RPH3A: variants seen among roughly 807,000 people sequenced by gnomAD.
The protein encoded by RPH3A is rabphilin-3A.
In RPH3A, 48 loss-of-function variants were observed where a neutral mutation model predicts 102.2. That is an observed-to-expected ratio of 0.47 (90% CI 0.37 to 0.60). The LOEUF (loss-of-function observed/expected upper bound fraction) is 0.60, where lower values mean the gene tolerates loss of function less well. Among genes scored for constraint, RPH3A ranks in the 20% least tolerant of loss-of-function variants. RPH3A has a pLI of 0.00. For missense variants in RPH3A, 781 were observed against 910.1 expected (o/e 0.86, Z 1.83); for synonymous variants, 310 against 324.3 (o/e 0.96, Z 0.47).
intron 1 of RPH3A, among the ~76,000 whole-genome samples, chr12:112,618,936 TA>T (rs1452194610): frequency 1.2e-4 from 19 of 152,240 alleles, no homozygotes; most frequent in South Asian, 4.1e-4. Flanking sequence ...ACATTTCATA[TA>T]AATGGAATAA....
intron 1 of RPH3A, among the ~76,000 whole-genome samples, chr12:112,731,144 T>C (rs2040631049): frequency 6.6e-6 from 1 of 151,978 alleles, no homozygotes; most frequent in African/African-American, 2.4e-5. Context: ...TTTTACAGTA[T>C]GACAGGTGGG....
chr12:112,657,810 G>A (rs529010201), intron 1 of RPH3A, among the ~76,000 whole-genome samples: 23 of 152,216 alleles, frequency 1.5e-4, no homozygotes, highest in Non-Finnish European at 3.2e-4. Flanking sequence ...GGAGTGCTGA[G>A]ATGATGGGTG....
At chr12:112,644,187 A>G (rs1162093484) in intron 1 of RPH3A, among the ~76,000 whole-genome samples, 1 of 151,996 alleles carries the variant, frequency 6.6e-6, no homozygotes, top group East Asian at 1.9e-4. Flanking sequence ...GAGATTACCT[A>G]ATGGTACAAT....
intron 14 of RPH3A, 121 bp downstream of exon 14, chr12:112,879,319 G>A (rs575761846): frequency 1.8e-5 from 15 of 856,490 alleles, no homozygotes; most frequent in African/African-American, 1.7e-4. Flanking sequence ...TGATAGTGAC[G>A]GTGATGAGAA....
chr12:112,837,988 C>A (rs2042082145), intron 4 of RPH3A, among the ~76,000 whole-genome samples: 1 of 151,634 alleles, frequency 6.6e-6, no homozygotes, highest in Non-Finnish European at 1.5e-5. Flanking sequence ...GCACCAGGGA[C>A]ACAGTTAGCC....
chr12:112,693,762 A>G (rs1755756307), intron 1 of RPH3A, among the ~76,000 whole-genome samples: 1 of 152,008 alleles, frequency 6.6e-6, no homozygotes, highest in African/African-American at 2.4e-5. Context: ...CCATCCCATT[A>G]TCTAGGTTTA....
chr12:112,676,630 C>T (rs2040176807), intron 1 of RPH3A, among the ~76,000 whole-genome samples: 1 of 152,100 alleles, frequency 6.6e-6, no homozygotes, highest in African/African-American at 2.4e-5. Context: ...CTGGAGGAAA[C>T]CTGAAGAGGT....
intron 2 of RPH3A, among the ~76,000 whole-genome samples, chr12:112,823,417 G>A (rs997844038): frequency 6.6e-6 from 1 of 152,236 alleles, no homozygotes; most frequent in South Asian, 2.1e-4. Context: ...GGATTGTAAG[G>A]AGTAAAGCAA....
At chr12:112,642,470 TA>T (rs2039897614) in intron 1 of RPH3A, among the ~76,000 whole-genome samples, 2 of 152,206 alleles carry the variant, frequency 1.3e-5, no homozygotes, top group East Asian at 3.8e-4. Flanking sequence ...ACACTTACAC[TA>T]AAAAATTATT....
chr12:112,672,025 A>AAT (rs1008358942), intron 1 of RPH3A, among the ~76,000 whole-genome samples: 10 of 150,196 alleles, frequency 6.7e-5, no homozygotes, highest in Non-Finnish European at 1.0e-4. Flanking sequence ...TAGTGACTTA[A>AAT]ATATATATAT....
rs545250184 is a variant in RPH3A, at chr12:112,694,022, C to T, written c.-139-98121C>T. Reference sequence around the variant, plus strand: ...ATCTAATTCGCTCTGCACACTCTTACAGGAAAACTCCTCTTGAAGCTGAAA... The same window carrying T: ...ATCTAATTCGCTCTGCACACTCTTATAGGAAAACTCCTCTTGAAGCTGAAA... On this transcript the variant is annotated intron_variant, in intron 1 of 21. Transcript: ENST00000543106. 9.2e-5 allele frequency among the ~76,000 whole-genome samples: 14 copies of T among 152,320 alleles called. No individual in the cohort carries two copies. The South Asian group carries it at 2.9e-3, about 32-fold the overall frequency.
At chr12:112,646,711 C>T (rs963277537) in intron 1 of RPH3A, among the ~76,000 whole-genome samples, 2 of 152,160 alleles carry the variant, frequency 1.3e-5, no homozygotes, top group Non-Finnish European at 2.9e-5. Context: ...TCCATTTTTC[C>T]ATCCCTAATG....
At chr12:112,631,231 A>G (rs936853257) in intron 1 of RPH3A, among the ~76,000 whole-genome samples, 1 of 152,114 alleles carries the variant, frequency 6.6e-6, no homozygotes, top group African/African-American at 2.4e-5. Flanking sequence ...GAATCTTGTC[A>G]CACAAAAGCA....
At chr12:112,808,408 G>T (rs954022704) in intron 2 of RPH3A, among the ~76,000 whole-genome samples, 1 of 152,252 alleles carries the variant, frequency 6.6e-6, no homozygotes, top group South Asian at 2.1e-4. Flanking sequence ...TGCATTGCAG[G>T]CAAGGGTTTG....
Position 112,890,951 on chromosome 12 carries a change from G to A in RPH3A, c.1723G>A (p.Val575Met), listed in dbSNP as rs376534485. 17 of 1,614,040 alleles carry A rather than the reference G, an allele frequency of 1.1e-5. No homozygotes were observed. Among genetic ancestry groups the A allele is most frequent in the Admixed American group, 1.7e-5 (1 of 59,996 alleles). The stretch of plus-strand genomic sequence containing the variant: ...CCTCATTGTGGGCATCATACGCTGC[G>A]TGCACCTGGCTGCCATGGACGCTAA... Reference protein sequence around the residue: ...GGLIVGIIRCVHLAAMDANGY... With the variant: ...GGLIVGIIRCMHLAAMDANGY... The change falls in exon 19 of 22, where the codon GTG (valine) becomes ATG (methionine). Residue 575 changes from valine to methionine, a missense_variant. Transcript: ENST00000389385.
chr12:112,860,856 C>T (rs1314855244), intron 5 of RPH3A, among the ~76,000 whole-genome samples: 1 of 152,170 alleles, frequency 6.6e-6, no homozygotes, highest in African/African-American at 2.4e-5. Context: ...TTGGGAGCAA[C>T]TGTGTATAAG....
At chr12:112,682,358 T>G (rs1272713915) in intron 1 of RPH3A, among the ~76,000 whole-genome samples, 1 of 141,474 alleles carries the variant, frequency 7.1e-6, no homozygotes, top group Non-Finnish European at 1.6e-5. Context: ...TTTCTTTCTT[T>G]TTTTTTTTTT....
intron 2 of RPH3A, among the ~76,000 whole-genome samples, chr12:112,819,223 A>C (rs1014224430): frequency 6.6e-6 from 1 of 152,034 alleles, no homozygotes; most frequent in Non-Finnish European, 1.5e-5. Flanking sequence ...CTTGTGCCTC[A>C]GCCTCTTGAG....
intron 14 of RPH3A, 26 bp downstream of exon 14, chr12:112,879,224 A>AC: frequency 1.3e-6 from 2 of 1,595,410 alleles, no homozygotes; most frequent in Non-Finnish European, 1.7e-6. Flanking sequence ...CATGCAGGGA[A>AC]CCTCTCAGGA....
Sources: allele counts gnomAD v4.1 joint callset (sites outside exome capture counted in the v4.1 genomes callset), GRCh38; gene constraint gnomAD v4.1.1; transcripts MANE v1.5; gene names NCBI Gene and HGNC (gene_info 2026-07-23, HGNC 2026-07-21).